CADM2: variants seen among roughly 807,000 people sequenced by gnomAD.
CADM2 encodes the protein cell adhesion molecule 2, also known as immunoglobulin superfamily member 4D.
Under a neutral mutation model 49.8 loss-of-function variants are expected in CADM2, and 12 were observed. The observed-to-expected ratio is 0.24, with a 90% confidence interval of 0.15 to 0.39. CADM2 has a LOEUF of 0.39. Among genes scored for constraint, CADM2 ranks in the 10% least tolerant of loss-of-function variants. The probability of loss-of-function intolerance (pLI) is 1.00; values close to 1 mark genes in which losing one functional copy is unlikely to be tolerated. For synonymous variants in CADM2, 214 were observed against 175.4 expected (o/e 1.22, Z -1.74); for missense variants, 378 against 492.3 (o/e 0.77, Z 2.20).
intron 8 of CADM2, among the ~76,000 whole-genome samples, chr3:85,974,076 A>T (rs959541692): frequency 3.3e-5 from 5 of 151,740 alleles, no homozygotes; most frequent in African/African-American, 1.2e-4. Flanking sequence ...ATGTTAATTT[A>T]TAAGGCTGAG....
chr3:85,655,410 CA>C (rs1416601985), intron 1 of CADM2, among the ~76,000 whole-genome samples: 1 of 152,096 alleles, frequency 6.6e-6, no homozygotes, highest in Non-Finnish European at 1.5e-5. Flanking sequence ...CCACCCGCCT[CA>C]ACCTCCCAAA....
In CADM2 at chr3:86,066,274, G is replaced by A. The variant is rs576665931; in HGVS notation, c.1097-391G>A. On this transcript the variant is annotated intron_variant, in intron 9 of 9. Coordinates refer to ENST00000383699, the MANE Select transcript of CADM2 (RefSeq NM_001167675.2). ...CTTGAACCCGGGAGGCGGAGCTTGC[G>A]GTGAGCTGAGATCGTGCCACTGCAC... 3.6e-5 allele frequency among the ~76,000 whole-genome samples: 5 copies of A among 139,540 alleles called. No individual in the cohort carries two copies. In the East Asian group the frequency reaches 8.8e-4, roughly 25 times the overall value. The allele number at this position is 139,540 out of a possible 152,430, so 91.5% of individuals were successfully genotyped here.
chr3:85,448,775 G>A (rs896736469), intron 1 of CADM2, among the ~76,000 whole-genome samples: 5 of 151,982 alleles, frequency 3.3e-5, no homozygotes, highest in Non-Finnish European at 5.9e-5. Context: ...ATTCGGCCGG[G>A]CGTGGTGGCT....
intron 1 of CADM2, among the ~76,000 whole-genome samples, chr3:85,095,914 T>G (rs2037776872): frequency 6.6e-6 from 1 of 152,010 alleles, no homozygotes; most frequent in African/African-American, 2.4e-5. Flanking sequence ...CCTTACTTAC[T>G]CTGCTTGTGA....
intron 8 of CADM2, among the ~76,000 whole-genome samples, chr3:85,991,318 G>A (rs749380176): frequency 2.0e-5 from 3 of 151,942 alleles, no homozygotes; most frequent in Non-Finnish European, 2.9e-5. Context: ...CTTTTATTCT[G>A]TTTAGTTTGT....
intron 2 of CADM2, among the ~76,000 whole-genome samples, chr3:85,794,199 A>G (rs1017105743): frequency 1.9e-4 from 29 of 152,164 alleles, no homozygotes; most frequent in African/African-American, 7.0e-4. Flanking sequence ...AATTTTCCAT[A>G]TATTTTCTCA....
intron 8 of CADM2, among the ~76,000 whole-genome samples, chr3:86,056,200 G>A (rs1737971156): frequency 6.6e-6 from 1 of 152,170 alleles, no homozygotes; most frequent in Admixed American, 6.6e-5. Context: ...GTTTTGTGAA[G>A]GACCCTTAGT....
At chr3:85,768,443 C>T (rs1436203976) in intron 2 of CADM2, among the ~76,000 whole-genome samples, 1 of 133,486 alleles carries the variant, frequency 7.5e-6, no homozygotes, top group Non-Finnish European at 1.6e-5. Context: ...GAGACTCCAT[C>T]TCAAAATAAA....
intron 6 of CADM2, among the ~76,000 whole-genome samples, chr3:85,928,416 G>A (rs577257105): frequency 6.6e-6 from 1 of 152,010 alleles, no homozygotes; most frequent in East Asian, 1.9e-4. Flanking sequence ...CTCGGCCTCC[G>A]AAAGTGCTGG....
At chr3:85,885,120 AAT>A (rs544721936) in intron 4 of CADM2, among the ~76,000 whole-genome samples, 7 of 152,248 alleles carry the variant, frequency 4.6e-5, no homozygotes, top group African/African-American at 1.7e-4. Flanking sequence ...TGGATAAAGA[AAT>A]ATGTTTTGTG....
intron 1 of CADM2, among the ~76,000 whole-genome samples, chr3:85,116,880 T>C (rs959427372): frequency 2.0e-5 from 3 of 152,154 alleles, no homozygotes; most frequent in African/African-American, 7.2e-5. Flanking sequence ...ATGAATACTT[T>C]TAGTAGCAAA....
intron 1 of CADM2, among the ~76,000 whole-genome samples, chr3:85,645,613 T>A (rs754586155): frequency 6.6e-6 from 1 of 151,982 alleles, no homozygotes; most frequent in Non-Finnish European, 1.5e-5. Context: ...TCTGTAAAAA[T>A]TTTTATACCA....
At chr3:85,025,741 G>C (rs1167178455) in intron 1 of CADM2, among the ~76,000 whole-genome samples, 8 of 151,660 alleles carry the variant, frequency 5.3e-5, no homozygotes, top group Admixed American at 5.3e-4. Flanking sequence ...TCCTAAATTT[G>C]TTCAAATGAT....
intron 1 of CADM2, among the ~76,000 whole-genome samples, chr3:85,209,329 C>T (rs2041721955): frequency 6.6e-6 from 1 of 152,068 alleles, no homozygotes; most frequent in African/African-American, 2.4e-5. Flanking sequence ...TGTGCATTTA[C>T]TTTTCCCAGT....
intron 1 of CADM2, among the ~76,000 whole-genome samples, chr3:85,071,810 G>C (rs1355348515): frequency 6.6e-6 from 1 of 151,954 alleles, no homozygotes; most frequent in African/African-American, 2.4e-5. Flanking sequence ...TATTGTGCAT[G>C]ATTTTTTTGT....
At chr3:85,306,989 TC>T (rs2044227956) in intron 1 of CADM2, among the ~76,000 whole-genome samples, 1 of 151,624 alleles carries the variant, frequency 6.6e-6, no homozygotes, top group South Asian at 2.1e-4. Flanking sequence ...ACTCCCTTTA[TC>T]CCCATAGAAA....
intron 8 of CADM2, among the ~76,000 whole-genome samples, chr3:85,980,083 A>G (rs1363584679): frequency 2.0e-5 from 3 of 151,508 alleles, no homozygotes; most frequent in Non-Finnish European, 4.4e-5. Context: ...ATAGAAAAAC[A>G]TGGTTTAATT....
intron 1 of CADM2, among the ~76,000 whole-genome samples, chr3:85,374,173 A>C (rs958326354): frequency 1.3e-5 from 2 of 152,050 alleles, no homozygotes; most frequent in African/African-American, 4.8e-5. Context: ...CCATATCTTT[A>C]TAAGTTAATA....
chr3:85,138,058 ATACAAT>A (rs2039468854), intron 1 of CADM2, among the ~76,000 whole-genome samples: 1 of 152,134 alleles, frequency 6.6e-6, no homozygotes, highest in African/African-American at 2.4e-5. Context: ...AAAAAACAAG[ATACAAT>A]TATTTTTATA....
Sources: gnomAD v4.1 joint callset for allele counts (sites outside exome capture counted in the v4.1 genomes callset) on GRCh38, gnomAD v4.1.1 for gene constraint, MANE v1.5 for transcripts, NCBI Gene and HGNC (gene_info 2026-07-23, HGNC 2026-07-21) for gene names.